Variants in PARD3 observed in about 807,000 individuals in gnomAD.
PARD3 encodes the protein par-3 family cell polarity regulator, also known as partitioning defective 3 homolog.
In PARD3, 75 loss-of-function variants were observed where a neutral mutation model predicts 155.4. The ratio of observed to expected loss-of-function variants is 0.48; its 90% CI spans 0.40 to 0.58. The LOEUF (loss-of-function observed/expected upper bound fraction) is 0.58. Ranked by LOEUF, PARD3 falls within the 20% of genes least tolerant of loss-of-function variation. PARD3 has a pLI of 0.00. For synonymous variants in PARD3, 576 were observed against 610.5 expected, an observed-to-expected ratio of 0.94 and a Z score of 0.83; for missense variants, 1,642 against 1,721.7, an observed-to-expected ratio of 0.95 and a Z score of 0.82.
intron 22 of PARD3, among the ~76,000 whole-genome samples, chr10:34,169,732 A>G (rs1421151692): frequency 1.3e-5 from 2 of 152,220 alleles, no homozygotes; most frequent in African/African-American, 4.8e-5. Flanking sequence ...AATGGAGTGA[A>G]AGATGGCACG....
At chr10:34,618,880 C>T (rs2091439688) in intron 2 of PARD3, among the ~76,000 whole-genome samples, 1 of 152,054 alleles carries the variant, frequency 6.6e-6, no homozygotes, top group Admixed American at 6.5e-5. Flanking sequence ...TAAGGTCAAC[C>T]ACAATATGAT....
At chr10:34,257,919 T>C (rs564284461) in intron 22 of PARD3, among the ~76,000 whole-genome samples, 6 of 152,362 alleles carry the variant, frequency 3.9e-5, no homozygotes, top group Admixed American at 2.0e-4. Flanking sequence ...TCTCTAACTA[T>C]ATTAGAATAG....
chr10:34,579,748 T>C (rs189070735), intron 2 of PARD3, among the ~76,000 whole-genome samples: 3 of 151,872 alleles, frequency 2.0e-5, no homozygotes, highest in Non-Finnish European at 1.5e-5. Flanking sequence ...GCCTGGCTAA[T>C]TGTTGTATTC....
intron 2 of PARD3, among the ~76,000 whole-genome samples, chr10:34,599,503 A>G (rs143567095): frequency 0.014 from 2,098 of 152,306 alleles, 57 homozygotes; most frequent in African/African-American, 0.047. Context: ...AACCCCTACT[A>G]AATCTTTCTT....
Position 34,356,686 on chromosome 10 carries a change from A to C in PARD3, c.2067+2461T>G, listed in dbSNP as rs148871398. Reference sequence around the variant, plus strand: ...ATTTACTATAACATAATTTACACATACCCTCCCAGTGTGCAAAGGAGAAGG... The same window carrying C: ...ATTTACTATAACATAATTTACACATCCCCTCCCAGTGTGCAAAGGAGAAGG... On this transcript the variant is annotated intron_variant, in intron 14 of 24. Transcript: ENST00000374788. 2.4e-3 allele frequency among the ~76,000 whole-genome samples: 368 copies of C among 152,268 alleles called. 1 individual carries two copies. The highest frequency in any genetic ancestry group is 8.6e-3 in the African/African-American group (357 of 41,554).
intron 2 of PARD3, among the ~76,000 whole-genome samples, chr10:34,604,431 G>A (rs761653486): frequency 6.6e-6 from 1 of 151,938 alleles, no homozygotes; most frequent in Non-Finnish European, 1.5e-5. Flanking sequence ...CTCCCATGCT[G>A]GATGCTTCCT....
chr10:34,595,769 ACT>A (rs1034486606), intron 2 of PARD3, among the ~76,000 whole-genome samples: 5 of 152,062 alleles, frequency 3.3e-5, no homozygotes, highest in Admixed American at 2.6e-4. Flanking sequence ...AAAAAAAAAC[ACT>A]CTGTCACAGT....
chr10:34,639,725 T>C (rs896598310), intron 2 of PARD3, among the ~76,000 whole-genome samples: 1 of 151,980 alleles, frequency 6.6e-6, no homozygotes, highest in Non-Finnish European at 1.5e-5. Context: ...AATTAGCTGG[T>C]GGTACATGCT....
chr10:34,708,693 C>T (rs974554509), intron 1 of PARD3, among the ~76,000 whole-genome samples: 8 of 151,762 alleles, frequency 5.3e-5, no homozygotes, highest in African/African-American at 1.2e-4. Context: ...CAAGAGAAAA[C>T]GTTAAAAATA....
chr10:34,614,795 T>C (rs146268546), intron 2 of PARD3, among the ~76,000 whole-genome samples: 1,537 of 152,226 alleles, frequency 0.01, 13 homozygotes, highest in Non-Finnish European at 0.015. Context: ...AATCCTAAAA[T>C]TTATATGAAA....
At chr10:34,715,426 C>T (rs564153879) in intron 1 of PARD3, among the ~76,000 whole-genome samples, 28 of 152,168 alleles carry the variant, frequency 1.8e-4, no homozygotes, top group South Asian at 4.1e-4. Flanking sequence ...GGGGATGTAC[C>T]TTCATATATG....
chr10:34,131,671 G>A (rs1947621063), intron 22 of PARD3, 88 bp from the exon 23 acceptor site: 2 of 1,112,122 alleles, frequency 1.8e-6, no homozygotes, highest in Non-Finnish European at 2.7e-6. Context: ...AACTTGCTGT[G>A]AAATGACGCC....
chr10:34,391,218 T>C (rs1842842232), intron 7 of PARD3, among the ~76,000 whole-genome samples: 1 of 152,044 alleles, frequency 6.6e-6, no homozygotes, highest in Admixed American at 6.6e-5. Context: ...TTTTCTTCTT[T>C]TAAACAAGAG....
intron 1 of PARD3, among the ~76,000 whole-genome samples, chr10:34,697,687 T>C (rs1344785360): frequency 1.3e-5 from 2 of 151,758 alleles, no homozygotes; most frequent in African/African-American, 4.8e-5. Flanking sequence ...AGTAACAGAG[T>C]TCCTCTGCAC....
chr10:34,655,230 C>G (rs556072416), intron 2 of PARD3, among the ~76,000 whole-genome samples: 2 of 152,018 alleles, frequency 1.3e-5, no homozygotes, highest in African/African-American at 2.4e-5. Context: ...CAAATCATTA[C>G]AAAGTGGAGT....
chr10:34,564,847 T>C (rs931362129), intron 2 of PARD3, among the ~76,000 whole-genome samples: 1 of 152,228 alleles, frequency 6.6e-6, no homozygotes, highest in African/African-American at 2.4e-5. Flanking sequence ...TTTTAATGTA[T>C]GTATGAAATA....
chr10:34,635,809 G>T (rs940788426), intron 2 of PARD3, among the ~76,000 whole-genome samples: 2 of 152,130 alleles, frequency 1.3e-5, no homozygotes, highest in Non-Finnish European at 2.9e-5. Flanking sequence ...CCTCACATTT[G>T]CTGTGTGAGT....
intron 1 of PARD3, among the ~76,000 whole-genome samples, chr10:34,765,261 A>G (rs554181784): frequency 1.3e-5 from 2 of 152,306 alleles, no homozygotes; most frequent in Admixed American, 6.5e-5. Context: ...CTTCCGATTT[A>G]TAGCATTCCA....
intron 22 of PARD3, among the ~76,000 whole-genome samples, chr10:34,142,648 A>AAGGAAGGAAGGC (rs1720257141): frequency 6.6e-6 from 1 of 151,880 alleles, no homozygotes; most frequent in African/African-American, 2.4e-5. Context: ...CGAAGGAAGG[A>AAGGAAGGAAGGC]AGGAAGGAAG....
Sources: allele counts gnomAD v4.1 joint callset (sites outside exome capture counted in the v4.1 genomes callset), GRCh38; gene constraint gnomAD v4.1.1; transcripts MANE v1.5; gene names NCBI Gene and HGNC (gene_info 2026-07-23, HGNC 2026-07-21).